The following POU4F3 variants were observed in gnomAD, a reference collection of about 807,000 sequenced individuals.
The protein encoded by POU4F3 is POU class 4 homeobox 3.
Under a neutral mutation model 22.0 loss-of-function variants are expected in POU4F3, and 7 were observed. The ratio of observed to expected loss-of-function variants is 0.32; its 90% CI spans 0.18 to 0.60. The LOEUF is 0.60. POU4F3 is among the 20% of genes least tolerant of loss of function. The probability of loss-of-function intolerance (pLI) is 0.85; values close to 1 mark genes in which losing one functional copy is unlikely to be tolerated. For synonymous variants in POU4F3, 220 were observed against 194.5 expected (o/e 1.13, Z -1.09); for missense variants, 457 against 467.4 (o/e 0.98, Z 0.21).
In POU4F3 at chr5:146,340,228, G is replaced by A. The variant is rs757749607; in HGVS notation, c.801G>A (p.Glu267=). The change falls in exon 2 of 2, where the codon GAG becomes GAA. Residue 267 remains glutamate, a synonymous_variant. Coordinates refer to ENST00000646991, the MANE Select transcript of POU4F3 (RefSeq NM_002700.3). ...AAYREKNSKP[E]LFNGSERKRK... ...ACCGAGAGAAGAACAGCAAGCCAGAGCTCTTCAACGGCAGCGAACGGAAGC... is the reference window on the plus strand; with the variant it reads ...ACCGAGAGAAGAACAGCAAGCCAGAACTCTTCAACGGCAGCGAACGGAAGC... The A allele has an allele frequency of 1.4e-5, 22 of 1,614,080 alleles. No homozygotes were observed. Among genetic ancestry groups the A allele is most frequent in the East Asian group, 6.7e-5 (3 of 44,886 alleles).
Position 146,339,018 on chromosome 5 carries a change from C to A in POU4F3, c.-95C>A. The stretch of plus-strand genomic sequence containing the variant: ...GCAGCGAGCGAGAGGGCGAGGGGAG[C>A]GCGGGCGCTGAGCAGCGCTCACTTG... On this transcript the variant is annotated 5_prime_UTR_variant, in exon 1 of 2. Coordinates refer to ENST00000646991, the MANE Select transcript of POU4F3 (RefSeq NM_002700.3). This position sits in a 1 kb window ranked among gnomAD's most constrained non-coding sequence, Gnocchi z 4.7. 1.3e-6 allele frequency: 2 copies of A among 1,554,442 alleles called. No individual in the cohort carries two copies. Among genetic ancestry groups the A allele is most frequent in the Non-Finnish European group, 1.7e-6 (2 of 1,143,572 alleles).
At position 146,340,511 on chromosome 5, in the gene POU4F3, G is replaced by A; in HGVS notation, c.*67G>A. The A allele has an allele frequency of 6.3e-7, 1 of 1,598,300 alleles. No individual in the cohort carries two copies. The highest frequency in any genetic ancestry group is 8.5e-7 in the Non-Finnish European group (1 of 1,171,392). ...CTCATCCCTCCCGGGTTCGGGGGAT[G>A]GTTATCGGGAACTCCAAGGCGTTTC... On this transcript the variant is annotated 3_prime_UTR_variant, in exon 2 of 2. Transcript: ENST00000646991.
At position 146,340,268 on chromosome 5, in the gene POU4F3, A is replaced by C; in HGVS notation, c.841A>C (p.Ile281Leu). ...CGAACGGAAGCGCAAACGCACGTCCATCGCGGCGCCGGAGAAGCGTTCACT... is the reference window on the plus strand; with the variant it reads ...CGAACGGAAGCGCAAACGCACGTCCCTCGCGGCGCCGGAGAAGCGTTCACT... The part of the protein sequence containing the change: ...GSERKRKRTS[I>L]AAPEKRSLEA... Residue 281 changes from isoleucine (I) to leucine (L), a missense_variant, in exon 2 of 2, where the codon ATC (isoleucine) becomes CTC (leucine). Around this residue, in one of 2 missense-constraint regions of POU4F3, gnomAD observed 47 missense variants for 82.4 expected, o/e 0.57. Coordinates refer to ENST00000646991, the MANE Select transcript of POU4F3 (RefSeq NM_002700.3). 1 of 1,614,226 alleles carries C rather than the reference A, an allele frequency of 6.2e-7. No individual in the cohort carries two copies. The highest frequency in any genetic ancestry group is 8.5e-7 in the Non-Finnish European group (1 of 1,180,036).
chr5:146,339,221 C>G lies in POU4F3; in HGVS notation c.109C>G (p.Pro37Ala). The G allele has an allele frequency of 1.2e-6, 2 of 1,614,208 alleles. No homozygotes were observed. Among genetic ancestry groups the G allele is most frequent in the Non-Finnish European group, 8.5e-7 (1 of 1,180,036 alleles). ...CGAGGCCATGCGCCGAGTCTGTCTC[C>G]CAGCCCCGCAGGTACGTAGTGGAGC... ...GSEAMRRVCL[P>A]APQLQGNIFG... Residue 37 changes from proline (P) to alanine (A), a missense_variant, in exon 1 of 2, where the codon CCA becomes GCA. Pro to Ala is a conservative substitution (Grantham distance 27). Coordinates refer to ENST00000646991, the MANE Select transcript of POU4F3 (RefSeq NM_002700.3). This position sits in a 1 kb window ranked among gnomAD's most constrained non-coding sequence, Gnocchi z 4.7.
In POU4F3 at chr5:146,339,478, T is replaced by C; in HGVS notation, c.121-70T>C. ...TTTGAGGAGAGGCATCTCGGTTGCT[T>C]GAAAATGTGTTTTAATCCTGTGTTG... is the stretch of plus-strand genomic sequence containing the variant. On this transcript the variant is annotated intron_variant, in intron 1 of 1. Coordinates refer to ENST00000646991, the MANE Select transcript of POU4F3 (RefSeq NM_002700.3). This position sits in a 1 kb window ranked among gnomAD's most constrained non-coding sequence, Gnocchi z 4.7. 6.2e-7 allele frequency: 1 copy of C among 1,600,436 alleles called. No homozygotes were observed. The highest frequency in any genetic ancestry group is 1.7e-5 in the Admixed American group (1 of 59,934).
Position 146,338,949 on chromosome 5 carries a change from G to A in POU4F3, c.-164G>A, listed in dbSNP as rs1240068675. On this transcript the variant is annotated 5_prime_UTR_variant, in exon 1 of 2. Coordinates refer to ENST00000646991, the MANE Select transcript of POU4F3 (RefSeq NM_002700.3). ...CGCGCGCCCGGGCCCTTCCTGGCAG[G>A]CTGCTTGTAAGATGAGTGAAGAAGC... The A allele has an allele frequency of 2.5e-6, 3 of 1,191,252 alleles. No individual in the cohort carries two copies. The highest frequency in any genetic ancestry group is 4.0e-5 in the Admixed American group (2 of 50,004). 73.8% of individuals were successfully genotyped at this position (1,191,252 alleles called of 1,614,324 possible).
Position 146,340,047 on chromosome 5 carries a change from A to G in POU4F3, c.620A>G (p.Asp207Gly), listed in dbSNP as rs547904106. 6.2e-7 allele frequency: 1 copy of G among 1,614,090 alleles called. No individual in the cohort carries two copies. Among genetic ancestry groups the G allele is most frequent in the South Asian group, 1.1e-5 (1 of 91,074 alleles). The change falls in exon 2 of 2, where the codon GAC becomes GGC. Residue 207 changes from aspartate (D) to glycine (G), a missense_variant. Around this residue, in one of 2 missense-constraint regions of POU4F3, gnomAD observed 410 missense variants for 385.0 expected, o/e 1.06. Transcript: ENST00000646991. ...RRIKLGVTQADVGAALANLKI... is the reference protein window; with the variant it reads ...RRIKLGVTQAGVGAALANLKI... ...ATCAAGCTGGGGGTGACCCAGGCGG[A>G]CGTGGGCGCGGCTCTGGCTAATCTC... is the stretch of plus-strand genomic sequence containing the variant.
In POU4F3 at chr5:146,339,464, G is replaced by C; in HGVS notation, c.121-84G>C. Reference sequence around the variant, plus strand: ...TTTATGACCTGGGCTTTGAGGAGAGGCATCTCGGTTGCTTGAAAATGTGTT... The same window carrying C: ...TTTATGACCTGGGCTTTGAGGAGAGCCATCTCGGTTGCTTGAAAATGTGTT... On this transcript the variant is annotated intron_variant, in intron 1 of 1. Coordinates refer to ENST00000646991, the MANE Select transcript of POU4F3 (RefSeq NM_002700.3). The surrounding 1 kb of genome is among the most constrained non-coding windows in gnomAD (Gnocchi z 4.7). 6.4e-7 allele frequency: 1 copy of C among 1,566,692 alleles called. No homozygotes were observed. Among genetic ancestry groups the C allele is most frequent in the Non-Finnish European group, 8.8e-7 (1 of 1,140,342 alleles).
rs759091617 is a variant in POU4F3, at chr5:146,340,275, C to A, written c.848C>A (p.Ala283Glu). 2 of 1,614,092 alleles carry A rather than the reference C, an allele frequency of 1.2e-6. No individual in the cohort carries two copies. Among genetic ancestry groups the A allele is most frequent in the Admixed American group, 1.7e-5 (1 of 60,008 alleles). The stretch of plus-strand genomic sequence containing the variant: ...AAGCGCAAACGCACGTCCATCGCGG[C>A]GCCGGAGAAGCGTTCACTCGAGGCC... ...ERKRKRTSIA[A>E]PEKRSLEAYF... Residue 283 changes from alanine (A) to glutamate (E), a missense_variant, in exon 2 of 2, where the codon GCG (alanine) becomes GAG (glutamate). Coordinates refer to ENST00000646991, the MANE Select transcript of POU4F3 (RefSeq NM_002700.3).
Position 146,339,032 on chromosome 5 carries a change from A to G in POU4F3, c.-81A>G. ...GGCGAGGGGAGCGCGGGCGCTGAGCAGCGCTCACTTGGAGAGCGGCAAGCA... is the reference window on the plus strand; with the variant it reads ...GGCGAGGGGAGCGCGGGCGCTGAGCGGCGCTCACTTGGAGAGCGGCAAGCA... On this transcript the variant is annotated 5_prime_UTR_variant, in exon 1 of 2. Transcript: ENST00000646991. This position sits in a 1 kb window ranked among gnomAD's most constrained non-coding sequence, Gnocchi z 4.7. 1.9e-6 allele frequency: 3 copies of G among 1,584,302 alleles called. No individual in the cohort carries two copies. The highest frequency in any genetic ancestry group is 2.7e-5 in the African/African-American group (2 of 74,300).
chr5:146,339,047 A>G lies in POU4F3; in HGVS notation c.-66A>G, dbSNP rs940733936. ...GGCGCTGAGCAGCGCTCACTTGGAG[A>G]GCGGCAAGCAAGCTAGACAAGCCTG... On this transcript the variant is annotated 5_prime_UTR_variant, in exon 1 of 2. Coordinates refer to ENST00000646991, the MANE Select transcript of POU4F3 (RefSeq NM_002700.3). The surrounding 1 kb of genome is among the most constrained non-coding windows in gnomAD (Gnocchi z 4.7). The G allele has an allele frequency of 6.2e-6, 10 of 1,601,936 alleles. No homozygotes were observed. Among genetic ancestry groups the G allele is most frequent in the Non-Finnish European group, 6.8e-6 (8 of 1,174,558 alleles).
Position 146,340,092 on chromosome 5 carries a change from C to T in POU4F3, c.665C>T (p.Ser222Leu), listed in dbSNP as rs1760431074. ...LANLKIPGVG[S>L]LSQSTICRFE... ...AATCTCAAGATCCCCGGCGTGGGCT[C>T]GCTGAGCCAAAGCACCATCTGCAGG... The change falls in exon 2 of 2, where the codon TCG becomes TTG. Residue 222 changes from serine (S) to leucine (L), a missense_variant. Ser to Leu is a moderately radical substitution (Grantham distance 145, BLOSUM62 -2). This residue lies in a region of POU4F3 where 410 missense variants were observed against 385.0 expected (regional missense o/e 1.06). Transcript: ENST00000646991. 6.2e-7 allele frequency: 1 copy of T among 1,614,062 alleles called. No individual in the cohort carries two copies.
rs1323967548 is a variant in POU4F3 at position 146,338,996 on chromosome 5, G to C, written c.-117G>C. The C allele has an allele frequency of 2.1e-6, 3 of 1,462,334 alleles. No homozygotes were observed. Among genetic ancestry groups the C allele is most frequent in the Non-Finnish European group, 2.8e-6 (3 of 1,068,624 alleles). The allele number at this position is 1,462,334 out of a possible 1,614,324, so 90.6% of individuals were successfully genotyped here. A position where few individuals can be genotyped will look rare whatever the true frequency, so the allele number is the denominator to read the frequency against. The stretch of plus-strand genomic sequence containing the variant: ...AAGCAGGTGGGGGAGAGGGGAGGCA[G>C]CGAGCGAGAGGGCGAGGGGAGCGCG... On this transcript the variant is annotated 5_prime_UTR_variant, in exon 1 of 2. Coordinates refer to ENST00000646991, the MANE Select transcript of POU4F3 (RefSeq NM_002700.3).
Position 146,339,553 on chromosome 5 carries a change from G to GCAA in POU4F3, c.126_127insCAA (p.Gln42dup). The GCAA allele has an allele frequency of 6.2e-7, 1 of 1,614,216 alleles. No individual in the cohort carries two copies. Among genetic ancestry groups the GCAA allele is most frequent in the Non-Finnish European group, 8.5e-7 (1 of 1,180,048 alleles). On this transcript the variant is annotated inframe_insertion, in exon 2 of 2. Transcript: ENST00000646991. The surrounding 1 kb of genome is among the most constrained non-coding windows in gnomAD (Gnocchi z 4.7). Reference sequence around the variant, plus strand: ...GTGCGCCTTCTCGCTTGCAGCTGCAGGGTAATATATTTGGAAGCTTTGATG... The same window carrying GCAA: ...GTGCGCCTTCTCGCTTGCAGCTGCAGCAAGGTAATATATTTGGAAGCTTTGATG...
Position 146,340,206 on chromosome 5 carries a change from G to A in POU4F3, c.779G>A (p.Arg260Gln), listed in dbSNP as rs539383335. 2.3e-5 allele frequency: 37 copies of A among 1,614,160 alleles called. 1 individual carries two copies. The South Asian group carries it at 2.6e-4, about 11-fold the overall frequency. Residue 260 changes from arginine (R) to glutamine (Q), a missense_variant, in exon 2 of 2, where the codon CGA becomes CAA. Coordinates refer to ENST00000646991, the MANE Select transcript of POU4F3 (RefSeq NM_002700.3). The part of the protein sequence containing the change: ...AWLEEAEAAY[R>Q]EKNSKPELFN... ...TTGGAGGAGGCCGAGGCCGCCTACC[G>A]AGAGAAGAACAGCAAGCCAGAGCTC... is the stretch of plus-strand genomic sequence containing the variant.
chr5:146,339,021 G>C lies in POU4F3; in HGVS notation c.-92G>C. 1.3e-6 allele frequency: 2 copies of C among 1,563,640 alleles called. No individual in the cohort carries two copies. The highest frequency in any genetic ancestry group is 1.7e-6 in the Non-Finnish European group (2 of 1,149,972). On this transcript the variant is annotated 5_prime_UTR_variant, in exon 1 of 2. Transcript: ENST00000646991. The surrounding 1 kb of genome is among the most constrained non-coding windows in gnomAD (Gnocchi z 4.7). The stretch of plus-strand genomic sequence containing the variant: ...GCGAGCGAGAGGGCGAGGGGAGCGC[G>C]GGCGCTGAGCAGCGCTCACTTGGAG...
chr5:146,339,078 A>T lies in POU4F3; in HGVS notation c.-35A>T, dbSNP rs545387974. On this transcript the variant is annotated 5_prime_UTR_variant, in exon 1 of 2. An upstream start codon of the reference 5' UTR is lost. Coordinates refer to ENST00000646991, the MANE Select transcript of POU4F3 (RefSeq NM_002700.3). This position sits in a 1 kb window ranked among gnomAD's most constrained non-coding sequence, Gnocchi z 4.7. ...AAGCAAGCTAGACAAGCCTGATTCC[A>T]TGTCACCCGCTGCCACCCTGCCAGG... 6.2e-7 allele frequency: 1 copy of T among 1,612,784 alleles called. No individual in the cohort carries two copies.
Position 146,340,264 on chromosome 5 carries a change from G to T in POU4F3, c.837G>T (p.Thr279=), listed in dbSNP as rs6885298. Residue 279 remains threonine (T), a synonymous_variant, in exon 2 of 2, where the codon ACG becomes ACT. Coordinates refer to ENST00000646991, the MANE Select transcript of POU4F3 (RefSeq NM_002700.3). ...GCAGCGAACGGAAGCGCAAACGCAC[G>T]TCCATCGCGGCGCCGGAGAAGCGTT... ...FNGSERKRKR[T]SIAAPEKRSL... 3.3e-3 allele frequency: 5,399 copies of T among 1,614,148 alleles called. 170 individuals carry two copies. In the African/African-American group the frequency reaches 0.064, roughly 19 times the overall value.
At position 146,340,061 on chromosome 5, in the gene POU4F3, C is replaced by T. The variant is rs1377777374; in HGVS notation, c.634C>T (p.Leu212=). 3.7e-6 allele frequency: 6 copies of T among 1,614,076 alleles called. No homozygotes were observed. The highest frequency in any genetic ancestry group is 2.7e-5 in the African/African-American group (2 of 74,944). ...GVTQADVGAA[L]ANLKIPGVGS... ...GACCCAGGCGGACGTGGGCGCGGCT[C>T]TGGCTAATCTCAAGATCCCCGGCGT... The change falls in exon 2 of 2, where the codon CTG becomes TTG. Residue 212 remains leucine (L), a synonymous_variant. Coordinates refer to ENST00000646991, the MANE Select transcript of POU4F3 (RefSeq NM_002700.3).
Sources: gnomAD v4.1 joint callset for allele counts on GRCh38, gnomAD v4.1.1 for gene constraint, gnomAD v4.1.1 regional missense constraint, Gnocchi (gnomAD v3.1) non-coding constraint, MANE v1.5 for transcripts, NCBI Gene and HGNC (gene_info 2026-07-23, HGNC 2026-07-21) for gene names.